NBAS: variants seen among roughly 807,000 people sequenced by gnomAD.
NBAS encodes the protein NBAS subunit of NRZ tethering complex.
In NBAS, 219 loss-of-function variants were observed where a neutral mutation model predicts 302.5. That is an observed-to-expected ratio of 0.72 (90% confidence interval 0.65 to 0.81). The LOEUF is 0.81. NBAS is among the 30% of genes least tolerant of loss of function. The pLI is 0.00. For missense variants in NBAS, 2,932 were observed against 2,841.6 expected, an observed-to-expected ratio of 1.03 and a Z score of -0.72; for synonymous variants, 1,118 against 1,021.6, an observed-to-expected ratio of 1.09 and a Z score of -1.80.
intron 21 of NBAS, among the ~76,000 whole-genome samples, chr2:15,458,930 C>T (rs937392415): frequency 2.6e-5 from 4 of 152,154 alleles, no homozygotes; most frequent in African/African-American, 4.8e-5. Context: ...GTCTAAACAA[C>T]ATATCCCCAA....
Position 15,408,176 on chromosome 2 carries a change from T to A in NBAS, c.2938-5875A>T, listed in dbSNP as rs538074964. ...GGTTCAGGAATTAGGACATGGACAC[T>A]TTGGGAGGCCATTATTCTACCTACC... On this transcript the variant is annotated intron_variant, in intron 25 of 51. Coordinates refer to ENST00000281513, the MANE Select transcript of NBAS (RefSeq NM_015909.4). 6.6e-4 allele frequency among the ~76,000 whole-genome samples: 100 copies of A among 152,314 alleles called. 1 individual carries two copies. Among genetic ancestry groups the A allele is most frequent in the Non-Finnish European group, 1.2e-3 (85 of 68,032 alleles).
At chr2:15,359,513 C>T (rs1673790450) in intron 32 of NBAS, among the ~76,000 whole-genome samples, 1 of 151,976 alleles carries the variant, frequency 6.6e-6, no homozygotes, top group Non-Finnish European at 1.5e-5. Flanking sequence ...AAGAAAAATT[C>T]AGCTCATGTT....
In NBAS at chr2:15,354,867, C is replaced by T. The variant is rs998910164; in HGVS notation, c.3932-1157G>A. On this transcript the variant is annotated intron_variant, in intron 33 of 51. Transcript: ENST00000281513. ...ACTGATCAAATTACTTATCCCTCAG[C>T]GGTGATATCTGATCATCCTGGCCAG... Among the ~76,000 whole-genome samples the T allele has an allele frequency of 7.2e-5, 11 of 152,258 alleles. 1 individual carries two copies. In the Middle Eastern group the frequency reaches 0.027, roughly 379 times the overall value.
At position 15,533,673 on chromosome 2, in the gene NBAS, G is replaced by GGT. The variant is rs1220581737; in HGVS notation, c.746+868_746+869dup. ...GAAGAGCACAAGGAGGACTTCGGGG[G>GGT]GTGTGCGTGTGTGTGTGTGTGTGTG... On this transcript the variant is annotated intron_variant, in intron 9 of 51. Transcript: ENST00000281513. Among the ~76,000 whole-genome samples the GGT allele has an allele frequency of 6.1e-5, 8 of 130,754 alleles. 1 individual carries two copies. In the South Asian group the frequency reaches 1.3e-3, roughly 22 times the overall value. The allele number at this position is 130,754 out of a possible 152,430, so 85.8% of individuals were successfully genotyped here.
At chr2:15,413,217 T>C (rs1337079603) in intron 25 of NBAS, among the ~76,000 whole-genome samples, 2 of 152,236 alleles carry the variant, frequency 1.3e-5, no homozygotes, top group Non-Finnish European at 2.9e-5. Flanking sequence ...AGATTTGTCT[T>C]GCTACATTTT....
the NBAS span, among the ~76,000 whole-genome samples, chr2:14,825,020 A>T: frequency 6.6e-6 from 1 of 152,178 alleles, no homozygotes; most frequent in Non-Finnish European, 1.5e-5. Context: ...ATGTATTTCC[A>T]CATAAAGTAT....
intron 33 of NBAS, among the ~76,000 whole-genome samples, chr2:15,355,302 C>T (rs1673559609): frequency 1.3e-5 from 2 of 151,950 alleles, no homozygotes; most frequent in African/African-American, 4.8e-5. Flanking sequence ...CAATTTAGTA[C>T]AGAGCCCATG....
At chr2:15,064,110 G>A in the NBAS span, among the ~76,000 whole-genome samples, 8 of 152,020 alleles carry the variant, frequency 5.3e-5, no homozygotes, top group East Asian at 1.9e-4. Context: ...CTTCGTTGTC[G>A]AAAACAGGGT....
the NBAS span, among the ~76,000 whole-genome samples, chr2:14,837,784 C>T: frequency 6.6e-6 from 1 of 151,664 alleles, no homozygotes; most frequent in South Asian, 2.1e-4. Flanking sequence ...AATTATCCCC[C>T]TATTTACCAT....
At chr2:15,503,414 T>C (rs913270312) in intron 11 of NBAS, among the ~76,000 whole-genome samples, 1 of 152,168 alleles carries the variant, frequency 6.6e-6, no homozygotes, top group Non-Finnish European at 1.5e-5. Context: ...TATCAGCAGG[T>C]CCTACAGGGA....
In NBAS at chr2:15,330,722, C is replaced by G; in HGVS notation, c.4223G>C (p.Arg1408Pro). The change falls in exon 36 of 52, where the codon CGC becomes CCC. Residue 1408 changes from arginine to proline, a missense_variant. Arg to Pro is a moderately radical substitution (Grantham distance 103). Transcript: ENST00000281513. ...TTTCATGGTGGTAGCAGTGGTCCAG[C>G]GCAATAGGTCAGCTGAATTGCTACC... ...VPGSNSADLL[R>P]WTTATTMKVL... The G allele has an allele frequency of 6.2e-7, 1 of 1,613,964 alleles. No individual in the cohort carries two copies. The highest frequency in any genetic ancestry group is 1.1e-5 in the South Asian group (1 of 91,078).
At chr2:15,396,944 T>A (rs757907238) in intron 26 of NBAS, among the ~76,000 whole-genome samples, 1 of 152,244 alleles carries the variant, frequency 6.6e-6, no homozygotes, top group African/African-American at 2.4e-5. Context: ...TTCTTCCACA[T>A]AATCATCCCT....
At chr2:15,431,058 C>T (rs575488706) in intron 21 of NBAS, among the ~76,000 whole-genome samples, 10 of 152,112 alleles carry the variant, frequency 6.6e-5, no homozygotes, top group Admixed American at 3.9e-4. Context: ...CCACCCACCT[C>T]GGCCTCCCAA....
chr2:14,789,738 G>A, the NBAS span, among the ~76,000 whole-genome samples: 8 of 152,168 alleles, frequency 5.3e-5, no homozygotes, highest in Admixed American at 1.3e-4. Context: ...TGCCTTGTAC[G>A]TGCTTCTATA....
the NBAS span, among the ~76,000 whole-genome samples, chr2:15,126,428 C>T: frequency 6.6e-6 from 1 of 152,132 alleles, no homozygotes; most frequent in Non-Finnish European, 1.5e-5. Flanking sequence ...ATGGGGAAGA[C>T]ACAGGGAAGG....
chr2:15,245,699 G>C (rs1668068870), intron 44 of NBAS, among the ~76,000 whole-genome samples: 1 of 151,994 alleles, frequency 6.6e-6, no homozygotes, highest in African/African-American at 2.4e-5. Context: ...AAAGAGAACA[G>C]TAAAAGTGCA....
intron 44 of NBAS, among the ~76,000 whole-genome samples, chr2:15,256,211 T>C (rs531796997): frequency 2.7e-4 from 41 of 152,326 alleles, no homozygotes; most frequent in Non-Finnish European, 5.4e-4. Flanking sequence ...CATTTGTTTC[T>C]GTCATTTATG....
chr2:14,864,335 A>G, the NBAS span, among the ~76,000 whole-genome samples: 41 of 151,636 alleles, frequency 2.7e-4, no homozygotes, highest in East Asian at 1.7e-3. Flanking sequence ...AAAAAAAAAA[A>G]AAAGAAAGAA....
the NBAS span, among the ~76,000 whole-genome samples, chr2:15,060,005 T>TTTTG: frequency 2.5e-4 from 37 of 146,024 alleles, no homozygotes; most frequent in Non-Finnish European, 4.8e-4. Flanking sequence ...CGTAGAAGTG[T>TTTTG]CGTCATTTAA....
Sources: gnomAD v4.1 joint callset for allele counts (sites outside exome capture counted in the v4.1 genomes callset) on GRCh38, gnomAD v4.1.1 for gene constraint, MANE v1.5 for transcripts, NCBI Gene and HGNC (gene_info 2026-07-23, HGNC 2026-07-21) for gene names.